CTNNA2: variants seen among roughly 807,000 people sequenced by gnomAD.
CTNNA2 encodes the protein catenin alpha 2, also known as catenin alpha-2.
A neutral mutation model predicts 101.0 loss-of-function variants in CTNNA2; 42 were observed. That is an observed-to-expected ratio of 0.42 (90% confidence interval 0.32 to 0.54). The LOEUF is 0.54. Among genes scored for constraint, CTNNA2 ranks in the 20% least tolerant of loss-of-function variants. CTNNA2 has a pLI of 0.14. For missense variants in CTNNA2, 871 were observed against 1,223.1 expected, an observed-to-expected ratio of 0.71 and a Z score of 4.29; for synonymous variants, 450 against 456.4, an observed-to-expected ratio of 0.99 and a Z score of 0.18.
chr2:80,554,847 C>A (rs909202118), intron 11 of CTNNA2, among the ~76,000 whole-genome samples: 7 of 152,074 alleles, frequency 4.6e-5, no homozygotes, highest in African/African-American at 1.7e-4. Context: ...CTAAAGAATG[C>A]ACAAGGAATA....
chr2:79,936,654 T>TACCTTAAGCCATCGTTCCTC (rs1687815249), intron 7 of CTNNA2, among the ~76,000 whole-genome samples: 1 of 152,214 alleles, frequency 6.6e-6, no homozygotes, highest in South Asian at 2.1e-4. Flanking sequence ...CCATTTTCCT[T>TACCTTAAGCCATCGTTCCTC]ACCTTAAGCC....
intron 1 of CTNNA2, among the ~76,000 whole-genome samples, chr2:79,596,350 A>C (rs1438299850): frequency 6.6e-6 from 1 of 152,188 alleles, no homozygotes; most frequent in Non-Finnish European, 1.5e-5. Flanking sequence ...AGGGCATCAA[A>C]GGAAGAAGGA....
intron 2 of CTNNA2, among the ~76,000 whole-genome samples, chr2:79,268,198 G>A (rs758946196): frequency 6.6e-6 from 1 of 152,100 alleles, no homozygotes; most frequent in Non-Finnish European, 1.5e-5. Context: ...CATAGTTCAG[G>A]TGGCAACTCT....
chr2:79,746,719 A>G (rs1573860262), intron 3 of CTNNA2, among the ~76,000 whole-genome samples: 1 of 152,110 alleles, frequency 6.6e-6, no homozygotes, highest in African/African-American at 2.4e-5. Flanking sequence ...TCTTTCACAC[A>G]TTTCTACACT....
chr2:79,470,007 A>G (rs1455796371), intron 4 of CTNNA2, among the ~76,000 whole-genome samples: 3 of 152,204 alleles, frequency 2.0e-5, no homozygotes, highest in Admixed American at 1.3e-4. Flanking sequence ...CCTATTCAAC[A>G]TAGTGTTGGA....
intron 1 of CTNNA2, among the ~76,000 whole-genome samples, chr2:79,548,962 G>T (rs995020707): frequency 6.6e-6 from 1 of 152,112 alleles, no homozygotes; most frequent in African/African-American, 2.4e-5. Flanking sequence ...AACCCACATA[G>T]AAATGTCTTT....
chr2:80,294,907 T>A (rs568621973), intron 7 of CTNNA2, among the ~76,000 whole-genome samples: 1 of 152,312 alleles, frequency 6.6e-6, no homozygotes, highest in East Asian at 1.9e-4. Context: ...GCTAACCTGG[T>A]GGACCAGAAT....
In CTNNA2 at chr2:79,857,940, T is replaced by C; in HGVS notation, c.299-73T>C. The C allele has an allele frequency of 2.7e-6, 4 of 1,465,708 alleles. No homozygotes were observed. In the East Asian group the frequency reaches 9.2e-5, roughly 34 times the overall value. 90.8% of individuals were successfully genotyped at this position (1,465,708 alleles called of 1,614,324 possible). Reference sequence around the variant, plus strand: ...TTGCAATAAAAACAGTAATTGTCCATTCACAGATCTTTAGGATGGCCAGTC... The same window carrying C: ...TTGCAATAAAAACAGTAATTGTCCACTCACAGATCTTTAGGATGGCCAGTC... On this transcript the variant is annotated intron_variant, in intron 3 of 18. Transcript: ENST00000402739.
At chr2:79,810,788 T>A (rs1574028184) in intron 3 of CTNNA2, among the ~76,000 whole-genome samples, 1 of 152,088 alleles carries the variant, frequency 6.6e-6, no homozygotes, top group African/African-American at 2.4e-5. Flanking sequence ...TTTGGTTTTT[T>A]GTCCTTCAGA....
chr2:80,214,023 A>G (rs111917179), intron 7 of CTNNA2, among the ~76,000 whole-genome samples: 4,481 of 152,124 alleles, frequency 0.029, 231 homozygotes, highest in African/African-American at 0.1. Flanking sequence ...TTTATCAGAG[A>G]CTAGGATTGC....
At chr2:79,883,057 G>A (rs533840745) in intron 6 of CTNNA2, among the ~76,000 whole-genome samples, 11 of 152,256 alleles carry the variant, frequency 7.2e-5, no homozygotes, top group Admixed American at 5.9e-4. Flanking sequence ...CTTTGGTTGC[G>A]GTGAAGGATT....
At chr2:80,113,941 C>T (rs910388777) in intron 7 of CTNNA2, among the ~76,000 whole-genome samples, 1 of 152,132 alleles carries the variant, frequency 6.6e-6, no homozygotes, top group Non-Finnish European at 1.5e-5. Context: ...CCTCTATGGC[C>T]ACCTATTTAT....
At chr2:79,631,596 A>G (rs535936362) in intron 1 of CTNNA2, among the ~76,000 whole-genome samples, 1 of 152,320 alleles carries the variant, frequency 6.6e-6, no homozygotes, top group Admixed American at 6.5e-5. Flanking sequence ...GTTTTGTTCT[A>G]CACATGTACA....
chr2:79,632,931 T>C (rs1025797688), intron 1 of CTNNA2, among the ~76,000 whole-genome samples: 1 of 152,188 alleles, frequency 6.6e-6, no homozygotes, highest in African/African-American at 2.4e-5. Context: ...AACTAGAGTA[T>C]AGATGGCATG....
chr2:80,173,841 C>T (rs367955423), intron 7 of CTNNA2, among the ~76,000 whole-genome samples: 2 of 152,210 alleles, frequency 1.3e-5, no homozygotes, highest in East Asian at 1.9e-4. Context: ...ACACTGGATG[C>T]CCCTACAGTA....
chr2:79,793,052 A>G (rs997643621), intron 3 of CTNNA2, among the ~76,000 whole-genome samples: 1 of 152,168 alleles, frequency 6.6e-6, no homozygotes, highest in Non-Finnish European at 1.5e-5. Flanking sequence ...TTTGGATGGT[A>G]TGTATGTTTA....
intron 7 of CTNNA2, among the ~76,000 whole-genome samples, chr2:80,255,081 T>A (rs1217229072): frequency 6.6e-6 from 1 of 152,186 alleles, no homozygotes; most frequent in Non-Finnish European, 1.5e-5. Context: ...AATGCATGTC[T>A]CTTCCACATG....
intron 7 of CTNNA2, among the ~76,000 whole-genome samples, chr2:80,368,017 C>A (rs553961874): frequency 2.0e-5 from 3 of 152,218 alleles, no homozygotes; most frequent in African/African-American, 7.2e-5. Context: ...CAAATAAATG[C>A]ATGCAAAAAA....
chr2:79,509,457 A>G (rs1415536081), upstream of CTNNA2, among the ~76,000 whole-genome samples: 2 of 152,160 alleles, frequency 1.3e-5, no homozygotes, highest in Admixed American at 1.3e-4. Flanking sequence ...CCATGAAAAT[A>G]CATGGTGGAA....
Sources: allele counts gnomAD v4.1 joint callset (sites outside exome capture counted in the v4.1 genomes callset), GRCh38; gene constraint gnomAD v4.1.1; transcripts MANE v1.5; gene names NCBI Gene and HGNC (gene_info 2026-07-23, HGNC 2026-07-21).